ADGRL3: variants seen among roughly 807,000 people sequenced by gnomAD.
The protein encoded by ADGRL3 is adhesion G protein-coupled receptor L3.
A neutral mutation model predicts 153.5 loss-of-function variants in ADGRL3; 62 were observed. The observed-to-expected ratio is 0.40, with a 90% confidence interval of 0.33 to 0.50. The LOEUF (loss-of-function observed/expected upper bound fraction) is 0.50. Ranked by LOEUF, ADGRL3 falls within the 20% of genes least tolerant of loss-of-function variation. The probability of loss-of-function intolerance (pLI) is 0.47; values close to 1 mark genes in which losing one functional copy is unlikely to be tolerated. For synonymous variants in ADGRL3, 710 were observed against 672.5 expected, an observed-to-expected ratio of 1.06 and a Z score of -0.86; for missense variants, 1,641 against 1,859.4, an observed-to-expected ratio of 0.88 and a Z score of 2.16.
intron 17 of ADGRL3, among the ~76,000 whole-genome samples, chr4:61,961,275 G>A (rs898307727): frequency 7.9e-5 from 12 of 152,098 alleles, no homozygotes; most frequent in Non-Finnish European, 1.6e-4. Context: ...CCCTCCTTCT[G>A]TGCCAGACAC....
At chr4:61,279,531 A>C (rs1351862792) in intron 1 of ADGRL3, among the ~76,000 whole-genome samples, 1 of 152,184 alleles carries the variant, frequency 6.6e-6, no homozygotes, top group African/African-American at 2.4e-5. Context: ...GACCTAAAAA[A>C]TTACAGCTAG....
chr4:61,532,549 C>CGTTT (rs373230592), intron 4 of ADGRL3, among the ~76,000 whole-genome samples: 1 of 103,670 alleles, frequency 9.6e-6, no homozygotes, highest in African/African-American at 3.9e-5. Context: ...CGCGCGCGCG[C>CGTTT]GCGCGCGTGT....
intron 1 of ADGRL3, among the ~76,000 whole-genome samples, chr4:61,315,900 A>G (rs190497325): frequency 6.6e-6 from 1 of 152,314 alleles, no homozygotes; most frequent in Admixed American, 6.5e-5. Flanking sequence ...ATGTAAAAAT[A>G]CAGTTCAGAA....
At chr4:61,264,390 C>A (rs1051660514) in intron 1 of ADGRL3, among the ~76,000 whole-genome samples, 5 of 151,904 alleles carry the variant, frequency 3.3e-5, no homozygotes, top group Non-Finnish European at 5.9e-5. Flanking sequence ...AGCAAAGGAC[C>A]ATTTTATCTA....
chr4:61,797,673 A>C (rs1312281597), intron 8 of ADGRL3, among the ~76,000 whole-genome samples: 1 of 152,156 alleles, frequency 6.6e-6, no homozygotes, highest in African/African-American at 2.4e-5. Context: ...AAACCAAGAA[A>C]ACATCTGCAT....
rs980542207 is a variant in ADGRL3, at chr4:61,322,414, C to T, written c.-239-60710C>T. ...TTCCAAGAGTCACCTAAAGTCTCAACTAATTTTAGCAGTGACTCAAAAGTC... is the reference window on the plus strand; with the variant it reads ...TTCCAAGAGTCACCTAAAGTCTCAATTAATTTTAGCAGTGACTCAAAAGTC... On this transcript the variant is annotated intron_variant, in intron 1 of 26. Coordinates refer to ENST00000683033, the MANE Select transcript of ADGRL3 (RefSeq NM_001387552.1). Among the ~76,000 whole-genome samples the T allele has an allele frequency of 3.3e-5, 5 of 152,204 alleles. No homozygotes were observed. In the South Asian group the frequency reaches 1.0e-3, roughly 32 times the overall value.
At chr4:61,977,970 A>G (rs2099053894) in intron 17 of ADGRL3, among the ~76,000 whole-genome samples, 1 of 151,984 alleles carries the variant, frequency 6.6e-6, no homozygotes, top group Non-Finnish European at 1.5e-5. Flanking sequence ...TGGTAGTCCC[A>G]AGTTTCTATC....
chr4:61,612,130 T>TA (rs1415176682), intron 5 of ADGRL3, among the ~76,000 whole-genome samples: 4 of 151,758 alleles, frequency 2.6e-5, no homozygotes, highest in Non-Finnish European at 4.4e-5. Context: ...AACAAACAAA[T>TA]AAAAAATAAC....
At position 62,031,595 on chromosome 4, in the gene ADGRL3, T is replaced by C; in HGVS notation, c.3576T>C (p.Cys1192=). 1 of 1,606,606 alleles carries C rather than the reference T, an allele frequency of 6.2e-7. No individual in the cohort carries two copies. The highest frequency in any genetic ancestry group is 1.1e-5 in the South Asian group (1 of 90,466). Reference sequence around the variant, plus strand: ...GAATGTTTATATTTATTTTCCATTGTGTCCTACAGAAGAAGGTAAGCTAGA... The same window carrying C: ...GAATGTTTATATTTATTTTCCATTGCGTCCTACAGAAGAAGGTAAGCTAGA... The part of the protein sequence containing the change: ...LQGMFIFIFH[C]VLQKKVRKEY... Residue 1192 remains cysteine, a synonymous_variant, in exon 23 of 27, where the codon TGT becomes TGC. Transcript: ENST00000683033.
intron 11 of ADGRL3, among the ~76,000 whole-genome samples, chr4:61,897,099 T>A (rs1012619181): frequency 6.6e-6 from 1 of 152,238 alleles, no homozygotes. Context: ...GCAGCCCAGC[T>A]AATCTTAGGA....
At chr4:61,729,171 AC>A (rs1339717702) in intron 6 of ADGRL3, among the ~76,000 whole-genome samples, 2 of 151,968 alleles carry the variant, frequency 1.3e-5, no homozygotes, top group African/African-American at 4.8e-5. Context: ...TATCCATGTA[AC>A]AAACCTGTAC....
intron 25 of ADGRL3, among the ~76,000 whole-genome samples, chr4:62,048,556 C>A (rs1053507161): frequency 6.6e-6 from 1 of 151,594 alleles, no homozygotes; most frequent in African/African-American, 2.4e-5. Flanking sequence ...CCACCACGCC[C>A]GGCTATTTTT....
chr4:61,878,754 C>G (rs1272792526), intron 9 of ADGRL3, among the ~76,000 whole-genome samples: 1 of 152,158 alleles, frequency 6.6e-6, no homozygotes, highest in African/African-American at 2.4e-5. Context: ...AAAACAGCAA[C>G]AGTCTCTGTC....
chr4:61,907,849 G>T (rs2098703519), intron 11 of ADGRL3, among the ~76,000 whole-genome samples: 1 of 152,084 alleles, frequency 6.6e-6, no homozygotes, highest in African/African-American at 2.4e-5. Flanking sequence ...TTACTAATTT[G>T]TTCCCTTAAC....
chr4:61,972,177 C>A (rs1442267755), intron 17 of ADGRL3, among the ~76,000 whole-genome samples: 1 of 152,094 alleles, frequency 6.6e-6, no homozygotes, highest in Admixed American at 6.6e-5. Flanking sequence ...TCCCATTTGT[C>A]AGTTTTGGCT....
At chr4:61,828,412 G>T (rs148344865) in intron 9 of ADGRL3, among the ~76,000 whole-genome samples, 1 of 152,082 alleles carries the variant, frequency 6.6e-6, no homozygotes, top group African/African-American at 2.4e-5. Flanking sequence ...TAAAAAAAGC[G>T]CAGGGTGCGG....
chr4:62,049,239 A>T (rs943281161), intron 25 of ADGRL3, among the ~76,000 whole-genome samples: 1 of 152,096 alleles, frequency 6.6e-6, no homozygotes, highest in Non-Finnish European at 1.5e-5. Context: ...CCCTGAAGTT[A>T]TTGTAAAAAT....
chr4:61,564,185 T>A (rs1264455691), intron 4 of ADGRL3, among the ~76,000 whole-genome samples: 1 of 152,076 alleles, frequency 6.6e-6, no homozygotes, highest in East Asian at 1.9e-4. Flanking sequence ...CTTTTTTTTT[T>A]ATCCAGACCG....
chr4:61,290,325 G>A (rs1295244555), intron 1 of ADGRL3, among the ~76,000 whole-genome samples: 1 of 151,992 alleles, frequency 6.6e-6, no homozygotes, highest in Non-Finnish European at 1.5e-5. Context: ...TGGTTAGGTT[G>A]ATTAATAAAT....
Sources: allele counts gnomAD v4.1 joint callset (sites outside exome capture counted in the v4.1 genomes callset), GRCh38; gene constraint gnomAD v4.1.1; transcripts MANE v1.5; gene names NCBI Gene and HGNC (gene_info 2026-07-23, HGNC 2026-07-21).